SLFN5: variants seen among roughly 807,000 people sequenced by gnomAD.
The protein encoded by SLFN5 is schlafen family member 5.
A neutral mutation model predicts 48.5 loss-of-function variants in SLFN5; 34 were observed. The ratio of observed to expected loss-of-function variants is 0.70; its 90% CI spans 0.53 to 0.93. The LOEUF (loss-of-function observed/expected upper bound fraction) is 0.93. Among genes scored for constraint, SLFN5 ranks in the 40% least tolerant of loss-of-function variants. The pLI is 0.00. For synonymous variants in SLFN5, 387 were observed against 396.2 expected (o/e 0.98, Z 0.28); for missense variants, 1,006 against 1,071.3 (o/e 0.94, Z 0.85).
rs1904609676 is a variant in SLFN5, at chr17:35,264,321, C to A, written c.1277C>A (p.Ala426Asp). The change falls in exon 4 of 5, where the codon GCT (alanine) becomes GAT (aspartate). Residue 426 changes from alanine to aspartate, a missense_variant. Physicochemically the swap from Ala to Asp is moderately radical, Grantham distance 126. Coordinates refer to ENST00000299977, the MANE Select transcript of SLFN5 (RefSeq NM_144975.4). ...ATATTGATTTTTTCTCAAAGCTGGG[C>A]TGTGGATTTAGGTCTGCAAGAGAAG... ...QGILIFSQSW[A>D]VDLGLQEKQG... The A allele has an allele frequency of 6.2e-7, 1 of 1,614,034 alleles. No homozygotes were observed. The highest frequency in any genetic ancestry group is 1.3e-5 in the African/African-American group (1 of 74,898).
In SLFN5 at chr17:35,267,433, T is replaced by G. The variant is rs905859422; in HGVS notation, c.*1545T>G. The G allele has an allele frequency of 6.6e-6, 1 of 152,208 alleles. No homozygotes were observed. The highest frequency in any genetic ancestry group is 1.5e-5 in the Non-Finnish European group (1 of 68,070). 9.4% of individuals were successfully genotyped at this position (152,208 alleles called of 1,614,324 possible). On this transcript the variant is annotated 3_prime_UTR_variant, in exon 5 of 5. Coordinates refer to ENST00000299977, the MANE Select transcript of SLFN5 (RefSeq NM_144975.4). ...AAGGTTGGGCATGGTGGCTCATGCT[T>G]GTGATCCCAGGACTTTAGGAGGCCA...
At chr17:35,261,153 A>G (rs973882019) in intron 3 of SLFN5, 57 bp downstream of exon 3, 1 of 1,582,280 alleles carries the variant, frequency 6.3e-7, no homozygotes, top group Non-Finnish European at 8.6e-7. Context: ...CATATAAAAA[A>G]TTGACTCCTA....
In SLFN5 at chr17:35,259,170, T is replaced by C. The variant is rs1210739782; in HGVS notation, c.480T>C (p.Gly160=). The change falls in exon 2 of 5, where the codon GGT becomes GGC. Residue 160 remains glycine, a synonymous_variant. Transcript: ENST00000299977. ...SNSLGPQAAQ[G]SVQYEGNINV... ...CATTAGGTCCACAGGCAGCTCAGGGTAGTGTACAATATGAAGGTAACATAA... is the reference window on the plus strand; with the variant it reads ...CATTAGGTCCACAGGCAGCTCAGGGCAGTGTACAATATGAAGGTAACATAA... 10 of 1,613,974 alleles carry C rather than the reference T, an allele frequency of 6.2e-6. No individual in the cohort carries two copies. Among genetic ancestry groups the C allele is most frequent in the Non-Finnish European group, 7.6e-6 (9 of 1,180,042 alleles).
At chr17:35,260,886 T>G in intron 2 of SLFN5, 85 bp from the exon 3 acceptor site, 1 of 1,515,962 alleles carries the variant, frequency 6.6e-7, no homozygotes, top group Admixed American at 1.8e-5. Flanking sequence ...GTTGTAAGAC[T>G]AGGTGAAAGA....
intron 3 of SLFN5, among the ~76,000 whole-genome samples, chr17:35,263,581 G>GGGA (rs1315688451): frequency 1.3e-5 from 2 of 151,968 alleles, no homozygotes; most frequent in Non-Finnish European, 2.9e-5. Context: ...CCAGCACTTT[G>GGGA]GGAGGCCCAG....
At position 35,269,358 on chromosome 17, in the gene SLFN5, T is replaced by C. The variant is rs1371879555; in HGVS notation, c.*3470T>C. 6.6e-6 allele frequency: 1 copy of C among 152,218 alleles called. No homozygotes were observed. Among genetic ancestry groups the C allele is most frequent in the African/African-American group, 2.4e-5 (1 of 41,460 alleles). The allele number at this position is 152,218 out of a possible 1,614,324, so 9.4% of individuals were successfully genotyped here. ...AGTTAAGTTTAAATCCATTCACATG[T>C]ATATAATTAAGATATATAGGAATTA... On this transcript the variant is annotated 3_prime_UTR_variant, in exon 5 of 5. Coordinates refer to ENST00000299977, the MANE Select transcript of SLFN5 (RefSeq NM_144975.4).
chr17:35,259,089 T>G lies in SLFN5; in HGVS notation c.399T>G (p.Ala133=). 6.2e-7 allele frequency: 1 copy of G among 1,614,144 alleles called. No individual in the cohort carries two copies. Among genetic ancestry groups the G allele is most frequent in the Non-Finnish European group, 8.5e-7 (1 of 1,180,026 alleles). The change falls in exon 2 of 5, where the codon GCT becomes GCG. Residue 133 remains alanine, a synonymous_variant. Coordinates refer to ENST00000299977, the MANE Select transcript of SLFN5 (RefSeq NM_144975.4). ...CCGATGTCATGGATTCTCAGGAAGC[T>G]CTGGCATTCCTCAAATGCAGGACTC... ...TSTDVMDSQE[A]LAFLKCRTQT... is the part of the protein sequence containing the mutation.
intron 1 of SLFN5, among the ~76,000 whole-genome samples, chr17:35,243,765 T>A (rs1002888418): frequency 6.6e-6 from 1 of 152,166 alleles, no homozygotes; most frequent in African/African-American, 2.4e-5. Context: ...CTTGCATGTG[T>A]CCCGGGAGCC....
chr17:35,264,140 G>T lies in SLFN5; in HGVS notation c.1139-43G>T, dbSNP rs766107049. 12 of 1,530,218 alleles carry T rather than the reference G, an allele frequency of 7.8e-6. No homozygotes were observed. The South Asian group carries it at 1.3e-4, about 17-fold the overall frequency. The allele number at this position is 1,530,218 out of a possible 1,614,324, so 94.8% of individuals were successfully genotyped here. On this transcript the variant is annotated intron_variant, in intron 3 of 4. Transcript: ENST00000299977. The stretch of plus-strand genomic sequence containing the variant: ...TACGTATAATGATGATTACTAGCTT[G>T]TCTGAGGCTTTTCTAATTTCTTCCC...
At chr17:35,258,553 T>C in intron 1 of SLFN5, 98 bp from the exon 2 acceptor site, 1 of 980,938 alleles carries the variant, frequency 1.0e-6, no homozygotes, top group Non-Finnish European at 1.5e-6. Flanking sequence ...CAGGAATAAA[T>C]GAAGGGACCA....
intron 1 of SLFN5, among the ~76,000 whole-genome samples, chr17:35,245,746 A>G (rs561907459): frequency 6.6e-6 from 1 of 151,678 alleles, no homozygotes; most frequent in Admixed American, 6.6e-5. Context: ...ACTGATGGGC[A>G]TTTGGATTGT....
At chr17:35,251,702 ACTTTT>A (rs2092442880) in intron 1 of SLFN5, among the ~76,000 whole-genome samples, 1 of 83,164 alleles carries the variant, frequency 1.2e-5, no homozygotes. Flanking sequence ...TGGCGCCCGG[ACTTTT>A]TTTTTTTTTT....
rs1266527684 is a variant in SLFN5 at position 35,270,350 on chromosome 17, G to A, written c.*4462G>A. 1.3e-5 allele frequency: 2 copies of A among 152,124 alleles called. No individual in the cohort carries two copies. Among genetic ancestry groups the A allele is most frequent in the East Asian group, 3.9e-4 (2 of 5,194 alleles). The allele number at this position is 152,124 out of a possible 1,614,324, so 9.4% of individuals were successfully genotyped here. On this transcript the variant is annotated 3_prime_UTR_variant, in exon 5 of 5. Transcript: ENST00000299977. The stretch of plus-strand genomic sequence containing the variant: ...CGCCCTCTACTAAAACAAACTCATA[G>A]AAATAATGGGGAAGATATTTCAAAA...
rs1489977292 is a variant in SLFN5 at position 35,271,715 on chromosome 17, A to G, written c.*5827A>G. 2.6e-5 allele frequency: 4 copies of G among 152,182 alleles called. No homozygotes were observed. The highest frequency in any genetic ancestry group is 4.8e-5 in the African/African-American group (2 of 41,438). The allele number at this position is 152,182 out of a possible 1,614,324, so 9.4% of individuals were successfully genotyped here. A position where few individuals can be genotyped will look rare whatever the true frequency, so the allele number is the denominator to read the frequency against. On this transcript the variant is annotated 3_prime_UTR_variant, in exon 5 of 5. Coordinates refer to ENST00000299977, the MANE Select transcript of SLFN5 (RefSeq NM_144975.4). ...ATAAAAATGCCAACAGGTTTTCCCC[A>G]ATAGCATTGAAATGATTTTAAAATT...
chr17:35,265,512 A>G lies in SLFN5; in HGVS notation c.2300A>G (p.Glu767Gly), dbSNP rs377561077. Reference sequence around the variant, plus strand: ...GAGATTATTGAAGACTTGAACTTGGAGGAGATACTGATCTATGTAGCGAAT... The same window carrying G: ...GAGATTATTGAAGACTTGAACTTGGGGGAGATACTGATCTATGTAGCGAAT... ...NLEIIEDLNLEEILIYVANKC... is the reference protein window; with the variant it reads ...NLEIIEDLNLGEILIYVANKC... Residue 767 changes from glutamate to glycine, a missense_variant, in exon 5 of 5, where the codon GAG (glutamate) becomes GGG (glycine). By Grantham distance (98) the Glu-to-Gly change is moderately conservative. Coordinates refer to ENST00000299977, the MANE Select transcript of SLFN5 (RefSeq NM_144975.4). 71 of 1,614,102 alleles carry G rather than the reference A, an allele frequency of 4.4e-5. No individual in the cohort carries two copies. The highest frequency in any genetic ancestry group is 5.4e-5 in the Non-Finnish European group (64 of 1,180,056).
Position 35,265,992 on chromosome 17 carries a change from A to T in SLFN5, c.*104A>T, listed in dbSNP as rs1006232724. 5.6e-6 allele frequency: 7 copies of T among 1,247,126 alleles called. No homozygotes were observed. In the Admixed American group the frequency reaches 1.3e-4, roughly 24 times the overall value. 77.3% of individuals were successfully genotyped at this position (1,247,126 alleles called of 1,614,324 possible). On this transcript the variant is annotated 3_prime_UTR_variant, in exon 5 of 5. Coordinates refer to ENST00000299977, the MANE Select transcript of SLFN5 (RefSeq NM_144975.4). ...AGCACACACTCACTTATTAAGTCAC[A>T]TACTTTTCTAGGTGCTGGGGATTGA...
chr17:35,246,716 G>A (rs755948410), intron 1 of SLFN5, among the ~76,000 whole-genome samples: 9 of 151,942 alleles, frequency 5.9e-5, no homozygotes, highest in South Asian at 2.1e-4. Flanking sequence ...TTACCCAGGC[G>A]TGGTGGTGGG....
chr17:35,273,536 C>G lies in SLFN5; in HGVS notation c.*7648C>G, dbSNP rs1223191398. ...ATGTGTGGAGAGTGGGGAGGGTTTA[C>G]ATATGAAAAATGTAGAAAATACAAA... On this transcript the variant is annotated 3_prime_UTR_variant, in exon 5 of 5. Transcript: ENST00000299977. 1 of 151,798 alleles carries G rather than the reference C, an allele frequency of 6.6e-6. No individual in the cohort carries two copies. Among genetic ancestry groups the G allele is most frequent in the South Asian group, 2.1e-4 (1 of 4,816 alleles). The allele number at this position is 151,798 out of a possible 1,614,324, so 9.4% of individuals were successfully genotyped here. A position where few individuals can be genotyped will look rare whatever the true frequency, so the allele number is the denominator to read the frequency against.
chr17:35,262,991 C>T (rs1177165500), intron 3 of SLFN5, among the ~76,000 whole-genome samples: 2 of 152,160 alleles, frequency 1.3e-5, no homozygotes, highest in African/African-American at 4.8e-5. Flanking sequence ...TAAGTGAAAC[C>T]ATACAGTACG....
Sources: allele counts gnomAD v4.1 joint callset (sites outside exome capture counted in the v4.1 genomes callset), GRCh38; gene constraint gnomAD v4.1.1; transcripts MANE v1.5; gene names NCBI Gene and HGNC (gene_info 2026-07-23, HGNC 2026-07-21).